Variants in SYNE2 observed in about 807,000 individuals in gnomAD.
The protein encoded by SYNE2 is spectrin repeat containing nuclear envelope protein 2.
Under a neutral mutation model 856.3 loss-of-function variants are expected in SYNE2, and 431 were observed. The ratio of observed to expected loss-of-function variants is 0.50; its 90% CI spans 0.47 to 0.55. The LOEUF (loss-of-function observed/expected upper bound fraction) is 0.55. Among genes scored for constraint, SYNE2 ranks in the 20% least tolerant of loss-of-function variants. The pLI, the probability that SYNE2 is intolerant of heterozygous loss-of-function variation, is 0.00. For missense variants in SYNE2, 8,129 were observed against 8,023.2 expected (o/e 1.01, Z -0.50); for synonymous variants, 2,923 against 2,872.3 (o/e 1.02, Z -0.56).
intron 72 of SYNE2, 21 bp downstream of exon 72, chr14:64,126,500 C>T (rs1358684654): frequency 1.4e-5 from 23 of 1,614,120 alleles, no homozygotes; most frequent in Non-Finnish European, 1.9e-5. Flanking sequence ...TCTCACGAGC[C>T]CATGTGTTGG....
At chr14:64,138,946 G>GGTGTGTGTGTGTGTGTGTGTGT in intron 79 of SYNE2, among the ~76,000 whole-genome samples, 1 of 137,786 alleles carries the variant, frequency 7.3e-6, no homozygotes, top group East Asian at 2.1e-4. Flanking sequence ...GTGTATGTAT[G>GGTGTGTGTGTGTGTGTGTGTGT]GTGTGTGTGT....
Position 64,209,467 on chromosome 14 carries a change from C to T in SYNE2, c.18429C>T (p.Asp6143=), listed in dbSNP as rs559412468. 1.0e-4 allele frequency: 167 copies of T among 1,614,214 alleles called. No homozygotes were observed. Among genetic ancestry groups the T allele is most frequent in the Admixed American group, 3.5e-4 (21 of 60,022 alleles). The change falls in exon 102 of 116, where the codon GAC becomes GAT. Residue 6143 remains aspartate, a synonymous_variant. Coordinates refer to ENST00000555002, the MANE Select transcript of SYNE2 (RefSeq NM_182914.3). ...ETWRLWQKFL[D]DYSRFEDWLK... is the part of the protein sequence containing the mutation. ...GGCGCCTGTGGCAGAAGTTTTTAGACGACTATTCTCGCTTTGAGGACTGGC... is the reference window on the plus strand; with the variant it reads ...GGCGCCTGTGGCAGAAGTTTTTAGATGACTATTCTCGCTTTGAGGACTGGC...
At chr14:63,876,105 G>A (rs2094708882) in intron 1 of SYNE2, among the ~76,000 whole-genome samples, 1 of 152,106 alleles carries the variant, frequency 6.6e-6, no homozygotes, top group South Asian at 2.1e-4. Context: ...TATGGATTGA[G>A]CTAGTTGTTT....
At chr14:64,132,499 C>T (rs762118081) in intron 77 of SYNE2, 61 bp downstream of exon 77, 3 of 1,584,048 alleles carry the variant, frequency 1.9e-6, no homozygotes, top group Middle Eastern at 1.7e-4. Context: ...CATCACCACC[C>T]CAGGTGTTGA....
At chr14:64,221,378 C>A (rs970546541) in intron 111 of SYNE2, among the ~76,000 whole-genome samples, 198 bp from the exon 112 acceptor site, 2 of 152,220 alleles carry the variant, frequency 1.3e-5, no homozygotes, top group Non-Finnish European at 2.9e-5. Flanking sequence ...CCTCCTGGCA[C>A]TGTGCTGAGT....
chr14:63,977,817 A>G (rs2096556098), intron 12 of SYNE2, 88 bp from the exon 13 acceptor site: 1 of 933,136 alleles, frequency 1.1e-6, no homozygotes, highest in Non-Finnish European at 1.7e-6. Context: ...TTTTTTGAAA[A>G]AAGATGTAAT....
chr14:63,990,711 A>G (rs2096659987), intron 20 of SYNE2, 142 bp downstream of exon 20: 6 of 851,230 alleles, frequency 7.0e-6, no homozygotes, highest in Non-Finnish European at 1.1e-5. Context: ...TTATTTCTTT[A>G]TAATTTAAAG....
At chr14:64,006,797 A>G (rs1356054602) in intron 30 of SYNE2, among the ~76,000 whole-genome samples, 1 of 152,198 alleles carries the variant, frequency 6.6e-6, no homozygotes, top group East Asian at 1.9e-4. Context: ...CACTGCACTC[A>G]GCGTAGGTGA....
At chr14:64,124,542 T>C (rs2097923138) in intron 70 of SYNE2, among the ~76,000 whole-genome samples, 1 of 152,138 alleles carries the variant, frequency 6.6e-6, no homozygotes, top group South Asian at 2.1e-4. Context: ...CATTTTGATA[T>C]CTAAATGAAA....
intron 1 of SYNE2, among the ~76,000 whole-genome samples, chr14:63,867,136 C>G (rs1175729388): frequency 6.6e-6 from 1 of 152,128 alleles, no homozygotes; most frequent in Non-Finnish European, 1.5e-5. Context: ...ACTGGCAAGA[C>G]TGGCTTGAAC....
Position 64,126,481 on chromosome 14 carries a change from T to C in SYNE2, c.13707+2T>C. On this transcript the variant is annotated splice_donor_variant, in intron 72 of 115. Coordinates refer to ENST00000555002, the MANE Select transcript of SYNE2 (RefSeq NM_182914.3). LOFTEE classifies it high-confidence loss of function. ...TCTGGCCAGCAGGTGCACTACGAGG[T>C]AGGGCACTTCTCACGAGCCCATGTG... is the stretch of plus-strand genomic sequence containing the variant. 1.2e-6 allele frequency: 2 copies of C among 1,614,118 alleles called. No homozygotes were observed.
At position 63,995,177 on chromosome 14, in the gene SYNE2, C is replaced by T; in HGVS notation, c.2915C>T (p.Thr972Ile). Reference protein sequence around the residue: ...KEKKLIRRGRTKGLIKEHEAC... With the variant: ...KEKKLIRRGRIKGLIKEHEAC... ...AAGAAACTTATCCGTAGAGGAAGGA[C>T]CAAGGGTCTCATCAAAGAACATGAG... is the stretch of plus-strand genomic sequence containing the variant. Residue 972 changes from threonine (T) to isoleucine (I), a missense_variant, in exon 23 of 116, where the codon ACC becomes ATC. Physicochemically the swap from Thr to Ile is moderately conservative, Grantham distance 89. Transcript: ENST00000555002. The T allele has an allele frequency of 1.2e-6, 2 of 1,608,170 alleles. No homozygotes were observed. Among genetic ancestry groups the T allele is most frequent in the Non-Finnish European group, 1.7e-6 (2 of 1,176,498 alleles).
rs4027385 is a variant in SYNE2, at chr14:64,003,441, ACT to A, written c.4397+114_4397+115del. 0.28 allele frequency: 381,471 copies of A among 1,349,536 alleles called. 56,323 individuals are homozygous for A. The highest frequency in any genetic ancestry group is 0.34 in the Middle Eastern group (1,884 of 5,572). 83.6% of individuals were successfully genotyped at this position (1,349,536 alleles called of 1,614,324 possible). On this transcript the variant is annotated intron_variant, in intron 30 of 115. Coordinates refer to ENST00000555002, the MANE Select transcript of SYNE2 (RefSeq NM_182914.3). ...TGTCTTTCTGCTTCTATTCCATCCCACTCTATTCAGTGTTCAGCATTCTTTTC... is the reference window on the plus strand; with the variant it reads ...TGTCTTTCTGCTTCTATTCCATCCCACTATTCAGTGTTCAGCATTCTTTTC...
chr14:64,057,314 T>A (rs987962609), intron 49 of SYNE2, among the ~76,000 whole-genome samples: 1 of 152,180 alleles, frequency 6.6e-6, no homozygotes, highest in African/African-American at 2.4e-5. Flanking sequence ...CTACTCTCTA[T>A]GTTCATGAAT....
At chr14:64,142,487 C>T (rs906474480) in intron 82 of SYNE2, among the ~76,000 whole-genome samples, 4 of 152,178 alleles carry the variant, frequency 2.6e-5, no homozygotes, top group Admixed American at 6.5e-5. Flanking sequence ...TAACTGTATA[C>T]GTCCTCTTAG....
In SYNE2 at chr14:64,002,886, G is replaced by C. The variant is rs2153505738; in HGVS notation, c.3953G>C (p.Ser1318Thr). 6.2e-7 allele frequency: 1 copy of C among 1,614,186 alleles called. No homozygotes were observed. Among genetic ancestry groups the C allele is most frequent in the Non-Finnish European group, 8.5e-7 (1 of 1,180,032 alleles). The change falls in exon 30 of 116, where the codon AGT becomes ACT. Residue 1318 changes from serine to threonine, a missense_variant. By Grantham distance (58) the Ser-to-Thr change is moderately conservative. Coordinates refer to ENST00000555002, the MANE Select transcript of SYNE2 (RefSeq NM_182914.3). The stretch of plus-strand genomic sequence containing the variant: ...GGAATGAACCACAGGGTGCAGAGGA[G>C]TGAAGATACTCTCAAAGCTCTGGAA... ...FEGMNHRVQR[S>T]EDTLKALEDF... is the part of the protein sequence containing the mutation.
chr14:63,978,360 G>A (rs2096560428), intron 13 of SYNE2, among the ~76,000 whole-genome samples: 1 of 152,126 alleles, frequency 6.6e-6, no homozygotes, highest in Admixed American at 6.6e-5. Flanking sequence ...CAGGAAACTG[G>A]ATCAAATGGG....
chr14:63,993,727 T>G, intron 21 of SYNE2, 108 bp from the exon 22 acceptor site: 1 of 960,774 alleles, frequency 1.0e-6, no homozygotes, highest in Non-Finnish European at 1.6e-6. Context: ...GAGAGCACCT[T>G]CCCACTTTAC....
At chr14:64,195,414 C>G (rs907560826) in intron 99 of SYNE2, among the ~76,000 whole-genome samples, 3 of 152,170 alleles carry the variant, frequency 2.0e-5, no homozygotes, top group Non-Finnish European at 4.4e-5. Context: ...CAAGGCCTGT[C>G]GTCCTTATTA....
Sources: allele counts gnomAD v4.1 joint callset (sites outside exome capture counted in the v4.1 genomes callset), GRCh38; gene constraint gnomAD v4.1.1; transcripts MANE v1.5; gene names NCBI Gene and HGNC (gene_info 2026-07-23, HGNC 2026-07-21).